Variants in TMX2 observed in about 807,000 individuals in gnomAD.
TMX2 encodes the protein thioredoxin related transmembrane protein 2.
TMX2 carries 20 observed loss-of-function variants against 33.4 expected under a neutral mutation model. The observed-to-expected ratio is 0.60, with a 90% CI of 0.42 to 0.87. The LOEUF is 0.87. TMX2 is among the 40% of genes least tolerant of loss of function. TMX2 has a pLI of 0.00. For missense variants in TMX2, 340 were observed against 370.7 expected (o/e 0.92, Z 0.68); for synonymous variants, 166 against 140.7 (o/e 1.18, Z -1.27).
intron 1 of TMX2, among the ~76,000 whole-genome samples, chr11:57,716,667 AC>A (rs1178005804): frequency 3.1e-5 from 3 of 97,552 alleles, no homozygotes; most frequent in Admixed American, 1.1e-4. Flanking sequence ...CGGGGGGCTG[AC>A]CCCCCCACCT....
Position 57,740,307 on chromosome 11 carries a change from C to T in TMX2, c.*62C>T. The T allele has an allele frequency of 2.7e-6, 4 of 1,500,258 alleles. No homozygotes were observed. The South Asian group carries it at 4.1e-5, about 15-fold the overall frequency. 92.9% of individuals were successfully genotyped at this position (1,500,258 alleles called of 1,614,324 possible). ...TCCAGGCTCTTTCCATAACCACAAG[C>T]CTGAGGCTGCAGCCTTTTATTTATG... On this transcript the variant is annotated 3_prime_UTR_variant, in exon 8 of 8. Transcript: ENST00000278422.
intron 1 of TMX2, among the ~76,000 whole-genome samples, chr11:57,727,197 C>T (rs1948061836): frequency 6.6e-6 from 1 of 152,120 alleles, no homozygotes; most frequent in Non-Finnish European, 1.5e-5. Flanking sequence ...CCATTTCACC[C>T]CTTAAACAAT....
At chr11:57,734,214 A>G (rs959728025) in intron 1 of TMX2, among the ~76,000 whole-genome samples, 8 of 150,368 alleles carry the variant, frequency 5.3e-5, no homozygotes, top group Admixed American at 4.0e-4. Context: ...CACTTTCTTA[A>G]CTGCCTGAAC....
chr11:57,729,739 ATATATT>A (rs1294112921), intron 1 of TMX2, among the ~76,000 whole-genome samples: 1 of 150,282 alleles, frequency 6.7e-6, no homozygotes, highest in Non-Finnish European at 1.5e-5. Flanking sequence ...TAATAAGTCT[ATATATT>A]TATGTGTGTG....
rs1565214413 is a variant in TMX2, at chr11:57,717,755, G to GGAGAGGGGAGAGGGGAGAGGC, written c.189+4948_189+4949insGAGAGGGGAGAGGGGAGAGGC. Among the ~76,000 whole-genome samples the GGAGAGGGGAGAGGGGAGAGGC allele has an allele frequency of 1.3e-4, 19 of 145,638 alleles. No homozygotes were observed. In the East Asian group the frequency reaches 3.6e-3, roughly 28 times the overall value. ...GAGGGGAGAGGGGAGAGGGGAGAGG[G>GGAGAGGGGAGAGGGGAGAGGC]AGAGGCAGAGGCAGAGGCAGAGGCC... On this transcript the variant is annotated intron_variant, in intron 1 of 7. Transcript: ENST00000278422.
chr11:57,737,517 T>C, intron 1 of TMX2, 91 bp from the exon 2 acceptor site: 2 of 1,029,478 alleles, frequency 1.9e-6, no homozygotes, highest in Non-Finnish European at 1.5e-6. Flanking sequence ...TTTGGATCGC[T>C]ATTGGTTTTT....
chr11:57,740,464 A>C lies in TMX2; in HGVS notation c.*219A>C, dbSNP rs1341739296. 4 of 512,964 alleles carry C rather than the reference A, an allele frequency of 7.8e-6. No individual in the cohort carries two copies. Among genetic ancestry groups the C allele is most frequent in the Non-Finnish European group, 6.7e-6 (2 of 297,316 alleles). The allele number at this position is 512,964 out of a possible 1,614,324, so 31.8% of individuals were successfully genotyped here. On this transcript the variant is annotated 3_prime_UTR_variant, in exon 8 of 8. Coordinates refer to ENST00000278422, the MANE Select transcript of TMX2 (RefSeq NM_015959.4). ...CAACTGTTTCACTGGAGCAAGAAAG[A>C]GATCTCATAGGACGGAGGGGGAAAT... is the stretch of plus-strand genomic sequence containing the variant.
At chr11:57,721,513 T>C (rs1947632098) in intron 1 of TMX2, among the ~76,000 whole-genome samples, 3 of 151,944 alleles carry the variant, frequency 2.0e-5, no homozygotes. Flanking sequence ...ATGGGGTTTT[T>C]CCATGTTGGT....
At chr11:57,740,045 C>T (rs1565236909) in intron 7 of TMX2, 54 bp from the exon 8 acceptor site, 1 of 1,611,574 alleles carries the variant, frequency 6.2e-7, no homozygotes, top group East Asian at 2.2e-5. Flanking sequence ...ACTTCCCAGG[C>T]TCTTTACTCT....
At chr11:57,718,091 C>T in intron 1 of TMX2, 1 of 1,298,220 alleles carries the variant, frequency 7.7e-7, no homozygotes, top group Admixed American at 1.7e-5. Flanking sequence ...TCTTGCCATT[C>T]CTGGACCCAA....
rs774018124 is a variant in TMX2 at position 57,737,615 on chromosome 11, T to C, written c.197T>C (p.Val66Ala). 3.7e-6 allele frequency: 6 copies of C among 1,613,954 alleles called. No homozygotes were observed. Among genetic ancestry groups the C allele is most frequent in the African/African-American group, 1.3e-5 (1 of 74,948 alleles). The change falls in exon 2 of 8, where the codon GTG (valine) becomes GCG (alanine). Residue 66 changes from valine to alanine, a missense_variant. By Grantham distance (64) the Val-to-Ala change is moderately conservative (BLOSUM62 0). Coordinates refer to ENST00000278422, the MANE Select transcript of TMX2 (RefSeq NM_015959.4). ...ACTTCGATTCTGTTCCAGAGAGAAG[T>C]GGAGATCCTGATGTTTCTCAGTGCC... is the stretch of plus-strand genomic sequence containing the variant. ...GNPCDFDWRE[V>A]EILMFLSAIV...
intron 1 of TMX2, among the ~76,000 whole-genome samples, chr11:57,725,730 C>T (rs973582538): frequency 6.6e-6 from 1 of 151,492 alleles, no homozygotes; most frequent in Non-Finnish European, 1.5e-5. Context: ...GAGTGAGACT[C>T]TTATCTCGAA....
At chr11:57,728,351 A>G (rs183202466) in intron 1 of TMX2, among the ~76,000 whole-genome samples, 1 of 151,984 alleles carries the variant, frequency 6.6e-6, no homozygotes, top group Non-Finnish European at 1.5e-5. Context: ...TTTAGTAGAG[A>G]TGGGGTTTCA....
chr11:57,713,014 C>T (rs546416172), intron 1 of TMX2, among the ~76,000 whole-genome samples: 1 of 152,300 alleles, frequency 6.6e-6, no homozygotes, highest in Admixed American at 6.5e-5. Flanking sequence ...TAGTCGTAGC[C>T]CATGCACAAC....
At chr11:57,739,093 C>T (rs751148219) in intron 6 of TMX2, 38 bp from the exon 7 acceptor site, 2 of 1,614,132 alleles carry the variant, frequency 1.2e-6, no homozygotes. Flanking sequence ...TTGAGTGATA[C>T]ATACAGGGAC....
intron 1 of TMX2, among the ~76,000 whole-genome samples, chr11:57,737,371 A>C (rs1048046989): frequency 6.6e-6 from 1 of 152,208 alleles, no homozygotes; most frequent in Non-Finnish European, 1.5e-5. Context: ...CTGGGCAACA[A>C]GAGTGAAACT....
Position 57,713,072 on chromosome 11 carries a change from C to T in TMX2, c.189+265C>T, listed in dbSNP as rs1418984479. On this transcript the variant is annotated intron_variant, in intron 1 of 7. Transcript: ENST00000278422. Reference sequence around the variant, plus strand: ...GAGTCCAGGTTTCTTTCTGTTTCACCATTGAGACTAATTAACAGCCCTATC... The same window carrying T: ...GAGTCCAGGTTTCTTTCTGTTTCACTATTGAGACTAATTAACAGCCCTATC... Among the ~76,000 whole-genome samples, 4 of 152,184 alleles carry T rather than the reference C, an allele frequency of 2.6e-5. No homozygotes were observed. The East Asian group carries it at 7.7e-4, about 29-fold the overall frequency.
chr11:57,736,609 C>T (rs886322859), intron 1 of TMX2, among the ~76,000 whole-genome samples: 14 of 151,730 alleles, frequency 9.2e-5, no homozygotes, highest in African/African-American at 2.4e-4. Context: ...TAATGGGGGC[C>T]GGGCTCGGTG....
intron 1 of TMX2, among the ~76,000 whole-genome samples, chr11:57,720,411 TC>T (rs528322610): frequency 4.4e-4 from 67 of 152,370 alleles, no homozygotes; most frequent in Middle Eastern, 3.4e-3. Context: ...CAAAACTTTT[TC>T]TTTTTTTTGA....
Sources: allele counts gnomAD v4.1 joint callset (sites outside exome capture counted in the v4.1 genomes callset), GRCh38; gene constraint gnomAD v4.1.1; transcripts MANE v1.5; gene names NCBI Gene and HGNC (gene_info 2026-07-23, HGNC 2026-07-21).